The following BCAP29 variants were observed in gnomAD, a reference collection of about 807,000 sequenced individuals.
BCAP29 encodes B-cell receptor-associated protein 29.
BCAP29 carries 34 observed loss-of-function variants against 31.8 expected under a neutral mutation model. The observed-to-expected ratio is 1.07, with a 90% CI of 0.81 to 1.42. The LOEUF (loss-of-function observed/expected upper bound fraction) is 1.42, where lower values mean the gene tolerates loss of function less well. Ranked by LOEUF, BCAP29 falls within the 40% of genes most tolerant of loss-of-function variation. BCAP29 has a pLI of 0.00. For synonymous variants in BCAP29, 104 were observed against 91.3 expected (o/e 1.14, Z -0.79); for missense variants, 314 against 269.2 (o/e 1.17, Z -1.16).
intron 3 of BCAP29, among the ~76,000 whole-genome samples, chr7:107,584,317 AC>A (rs1416080103): frequency 6.6e-6 from 1 of 152,210 alleles, no homozygotes; most frequent in Non-Finnish European, 1.5e-5. Flanking sequence ...TGTCCTAGGC[AC>A]CCAGGAGCTT....
chr7:107,600,960 G>C (rs931570509), intron 6 of BCAP29, among the ~76,000 whole-genome samples: 6 of 152,130 alleles, frequency 3.9e-5, no homozygotes, highest in Non-Finnish European at 7.3e-5. Flanking sequence ...AGGTGGGTAG[G>C]CACAGAGTAG....
intron 7 of BCAP29, chr7:107,613,781 C>T: frequency 6.8e-7 from 1 of 1,480,554 alleles, no homozygotes; most frequent in African/African-American, 1.4e-5. Flanking sequence ...CAAAATGAGG[C>T]CAAAATTTCA....
chr7:107,608,249 C>T (rs1384519929), intron 6 of BCAP29, among the ~76,000 whole-genome samples: 1 of 151,614 alleles, frequency 6.6e-6, no homozygotes, highest in Non-Finnish European at 1.5e-5. Context: ...TCCTTGAAAG[C>T]AGAGTATCTG....
At chr7:107,582,287 T>C (rs1806825660) in intron 2 of BCAP29, among the ~76,000 whole-genome samples, 1 of 152,184 alleles carries the variant, frequency 6.6e-6, no homozygotes, top group Non-Finnish European at 1.5e-5. Context: ...CCTGATCAAG[T>C]AGCTATTAGA....
rs1402705160 is a variant in BCAP29 at position 107,618,546 on chromosome 7, G to T, written c.*183G>T. The T allele has an allele frequency of 6.2e-7, 1 of 1,602,358 alleles. No homozygotes were observed. The highest frequency in any genetic ancestry group is 1.3e-5 in the African/African-American group (1 of 74,622). ...GATGATGTTTCAGATATATTGCAAA[G>T]TCTGTATTCCAGCTCTTAAGAAAAA... is the stretch of plus-strand genomic sequence containing the variant. On this transcript the variant is annotated 3_prime_UTR_variant, in exon 8 of 8. Transcript: ENST00000005259.
chr7:107,594,229 C>G (rs958116492), intron 4 of BCAP29, 124 bp downstream of exon 4: 12 of 891,332 alleles, frequency 1.3e-5, no homozygotes, highest in Admixed American at 2.8e-5. Context: ...CGCTCTGTTG[C>G]CCAGGCTGCA....
intron 5 of BCAP29, among the ~76,000 whole-genome samples, chr7:107,599,222 CA>C (rs1274110900): frequency 1.6e-4 from 2 of 12,218 alleles, no homozygotes; most frequent in East Asian, 3.3e-3. Flanking sequence ...TATATATATA[CA>C]TAATTATATA....
Position 107,607,053 on chromosome 7 carries a change from G to T in BCAP29, c.590-6279G>T, listed in dbSNP as rs145307460. Among the ~76,000 whole-genome samples, 92 of 152,300 alleles carry T rather than the reference G, an allele frequency of 6.0e-4. 1 individual carries two copies. In the East Asian group the frequency reaches 6.6e-3, roughly 11 times the overall value. On this transcript the variant is annotated intron_variant, in intron 6 of 7. Coordinates refer to ENST00000005259, the MANE Select transcript of BCAP29 (RefSeq NM_018844.4). ...TCTGAGGCCGGGCGCAGTGGCTCACGCCTGTAATCCCAGCACTTTGGGAGG... is the reference window on the plus strand; with the variant it reads ...TCTGAGGCCGGGCGCAGTGGCTCACTCCTGTAATCCCAGCACTTTGGGAGG...
chr7:107,602,857 C>T (rs892881894), intron 6 of BCAP29, among the ~76,000 whole-genome samples: 1 of 151,600 alleles, frequency 6.6e-6, no homozygotes, highest in African/African-American at 2.4e-5. Flanking sequence ...CACCCTAGCA[C>T]AGACATTGCA....
intron 7 of BCAP29, chr7:107,615,168 G>A (rs1157045452): frequency 2.2e-6 from 1 of 455,846 alleles, no homozygotes; most frequent in Admixed American, 2.4e-5. Flanking sequence ...TCTCCATTGT[G>A]GTAACAGCCA....
At chr7:107,587,115 G>A (rs140607340) in intron 3 of BCAP29, among the ~76,000 whole-genome samples, 163 of 152,272 alleles carry the variant, frequency 1.1e-3, no homozygotes, top group Non-Finnish European at 1.9e-3. Flanking sequence ...GTGCATGTGT[G>A]TGTATTTTAG....
chr7:107,582,482 A>G (rs1485829171), intron 2 of BCAP29, among the ~76,000 whole-genome samples: 4 of 152,090 alleles, frequency 2.6e-5, no homozygotes, highest in Non-Finnish European at 5.9e-5. Flanking sequence ...AGTCTCTATT[A>G]TTTTCTTACA....
At chr7:107,589,722 C>T (rs1808368495) in intron 3 of BCAP29, among the ~76,000 whole-genome samples, 1 of 152,150 alleles carries the variant, frequency 6.6e-6, no homozygotes, top group Admixed American at 6.5e-5. Context: ...ACTCTCTTCA[C>T]CAAGATACAC....
intron 7 of BCAP29, among the ~76,000 whole-genome samples, chr7:107,614,480 G>T (rs1395202957): frequency 6.6e-6 from 1 of 152,314 alleles, no homozygotes; most frequent in East Asian, 1.9e-4. Flanking sequence ...AATAAAATGT[G>T]TAGGTTTTTT....
rs150026395 is a variant in BCAP29 at position 107,590,883 on chromosome 7, T to C, written c.194-3072T>C. ...AATCCTAAAGTATCTACAAGAAAGT[T>C]ATTATGTCAAAGAAATTAATATAGT... On this transcript the variant is annotated intron_variant, in intron 3 of 7. Coordinates refer to ENST00000005259, the MANE Select transcript of BCAP29 (RefSeq NM_018844.4). 4.8e-3 allele frequency among the ~76,000 whole-genome samples: 734 copies of C among 151,776 alleles called. 4 individuals carry two copies. The highest frequency in any genetic ancestry group is 0.017 in the Middle Eastern group (5 of 290).
chr7:107,614,369 TA>T (rs1813751145), intron 7 of BCAP29, among the ~76,000 whole-genome samples: 1 of 152,222 alleles, frequency 6.6e-6, no homozygotes, highest in African/African-American at 2.4e-5. Flanking sequence ...CTAGGTTTTT[TA>T]TCTTAGGCAG....
At position 107,600,379 on chromosome 7, in the gene BCAP29, T is replaced by C. The variant is rs1306518445; in HGVS notation, c.481-18T>C. ...TGCAATCTAAGCTTATTTCTTCCTG[T>C]ATCTCCTTTTGCAATAGATTTTGAA... On this transcript the variant is annotated intron_variant, in intron 5 of 7. Transcript: ENST00000005259. 1.4e-6 allele frequency: 2 copies of C among 1,456,704 alleles called. No individual in the cohort carries two copies. The highest frequency in any genetic ancestry group is 9.6e-7 in the Non-Finnish European group (1 of 1,040,054). 90.2% of individuals were successfully genotyped at this position (1,456,704 alleles called of 1,614,324 possible).
rs533798955 is a variant in BCAP29 at position 107,601,708 on chromosome 7, A to G, written c.589+1203A>G. 1.2e-3 allele frequency among the ~76,000 whole-genome samples: 190 copies of G among 152,364 alleles called. 2 individuals are homozygous for G. Among genetic ancestry groups the G allele is most frequent in the African/African-American group, 4.4e-3 (181 of 41,600 alleles). On this transcript the variant is annotated intron_variant, in intron 6 of 7. Coordinates refer to ENST00000005259, the MANE Select transcript of BCAP29 (RefSeq NM_018844.4). ...TTACAACAGACATTTCAGAAGAGAA[A>G]CTAGTGTTCTTTTTTAACCCTGCAT... is the stretch of plus-strand genomic sequence containing the variant.
At chr7:107,616,788 G>A (rs1344520145) in intron 7 of BCAP29, among the ~76,000 whole-genome samples, 1 of 152,036 alleles carries the variant, frequency 6.6e-6, no homozygotes, top group Non-Finnish European at 1.5e-5. Context: ...ACCAAGACTG[G>A]AGTTCAGTGG....
Sources: gnomAD v4.1 joint callset for allele counts (sites outside exome capture counted in the v4.1 genomes callset) on GRCh38, gnomAD v4.1.1 for gene constraint, MANE v1.5 for transcripts, NCBI Gene and HGNC (gene_info 2026-07-23, HGNC 2026-07-21) for gene names.